Variants in SMURF1 observed in about 807,000 individuals in gnomAD.
SMURF1 encodes the protein E3 ubiquitin-protein ligase SMURF1.
In SMURF1, 44 loss-of-function variants were observed where a neutral mutation model predicts 98.0. The observed-to-expected ratio is 0.45, with a 90% CI of 0.35 to 0.58. The LOEUF (loss-of-function observed/expected upper bound fraction) is 0.58, where lower values mean the gene tolerates loss of function less well. SMURF1 is among the 20% of genes least tolerant of loss of function. SMURF1 has a pLI of 0.00. For synonymous variants in SMURF1, 396 were observed against 374.9 expected (o/e 1.06, Z -0.65); for missense variants, 687 against 938.4 (o/e 0.73, Z 3.50).
At chr7:99,071,531 C>A (rs953746933) in intron 1 of SMURF1, among the ~76,000 whole-genome samples, 1 of 152,132 alleles carries the variant, frequency 6.6e-6, no homozygotes, top group African/African-American at 2.4e-5. Context: ...TTTCCCAACA[C>A]CCTCACAGAA....
At chr7:99,051,170 C>T (rs1314791097) in intron 8 of SMURF1, among the ~76,000 whole-genome samples, 187 bp downstream of exon 8, 3 of 152,198 alleles carry the variant, frequency 2.0e-5, no homozygotes, top group African/African-American at 7.2e-5. Flanking sequence ...AACAATGACT[C>T]ACGTTTCAAA....
intron 1 of SMURF1, among the ~76,000 whole-genome samples, chr7:99,107,645 G>A (rs545020089): frequency 1.3e-5 from 2 of 152,284 alleles, no homozygotes; most frequent in East Asian, 1.9e-4. Context: ...CACTGCAAAC[G>A]ATCTTTCTGT....
intron 16 of SMURF1, among the ~76,000 whole-genome samples, chr7:99,035,041 T>C (rs1795081983): frequency 6.6e-6 from 1 of 152,176 alleles, no homozygotes. Flanking sequence ...TCGCACAGAA[T>C]TCCACCCCAC....
intron 1 of SMURF1, among the ~76,000 whole-genome samples, chr7:99,072,781 C>T (rs1273228841): frequency 6.6e-6 from 1 of 152,168 alleles, no homozygotes; most frequent in African/African-American, 2.4e-5. Context: ...TAATTTCTTT[C>T]CTATTTATCA....
intron 3 of SMURF1, 62 bp downstream of exon 3, chr7:99,060,537 G>A (rs150314797): frequency 1.3e-5 from 15 of 1,126,224 alleles, no homozygotes; most frequent in African/African-American, 9.8e-5. Context: ...GATGTTTCTC[G>A]TAAAAGGTAG....
At chr7:99,050,987 G>A (rs140025601) in intron 8 of SMURF1, 878 of 1,551,144 alleles carry the variant, frequency 5.7e-4, no homozygotes, top group Non-Finnish European at 7.0e-4. Context: ...AATGGTCCCC[G>A]AGGGACTGAG....
intron 1 of SMURF1, among the ~76,000 whole-genome samples, chr7:99,080,777 C>T (rs1047371534): frequency 1.3e-5 from 2 of 152,178 alleles, no homozygotes; most frequent in Admixed American, 6.5e-5. Flanking sequence ...AAATTACAGG[C>T]GATGGTAGAT....
At chr7:99,055,247 C>T (rs1205794134) in intron 5 of SMURF1, among the ~76,000 whole-genome samples, 3 of 151,998 alleles carry the variant, frequency 2.0e-5, no homozygotes, top group Admixed American at 6.6e-5. Flanking sequence ...AAGGGAGGAT[C>T]GCCTGAGCTC....
At chr7:99,060,545 T>C in intron 3 of SMURF1, 54 bp downstream of exon 3, 1 of 1,273,806 alleles carries the variant, frequency 7.9e-7, no homozygotes, top group Non-Finnish European at 1.1e-6. Flanking sequence ...TCGTAAAAGG[T>C]AGACACCTGC....
rs1320678191 is a variant in SMURF1 at position 99,038,544 on chromosome 7, AG to A, written c.1551-20del. The A allele has an allele frequency of 1.2e-6, 2 of 1,612,558 alleles. No homozygotes were observed. Among genetic ancestry groups the A allele is most frequent in the Non-Finnish European group, 1.7e-6 (2 of 1,179,284 alleles). On this transcript the variant is annotated intron_variant, in intron 13 of 17. Coordinates refer to ENST00000361368, the MANE Select transcript of SMURF1 (RefSeq NM_181349.3). ...GTTCTCTCTGTTGAAATAAGACAGA[AG>A]GATGTAGGTTAGAACTCTGCCACCA... is the stretch of plus-strand genomic sequence containing the variant.
At chr7:99,054,529 A>G (rs1795835339) in intron 6 of SMURF1, among the ~76,000 whole-genome samples, 1 of 151,752 alleles carries the variant, frequency 6.6e-6, no homozygotes, top group African/African-American at 2.4e-5. Flanking sequence ...GATGGTCTCA[A>G]TCTCCTGACC....
intron 1 of SMURF1, among the ~76,000 whole-genome samples, chr7:99,111,329 T>C (rs992568993): frequency 6.6e-6 from 1 of 152,174 alleles, no homozygotes; most frequent in African/African-American, 2.4e-5. Context: ...ATCAAGAAAT[T>C]TGATACTAAG....
chr7:99,052,079 G>A, intron 7 of SMURF1, 126 bp downstream of exon 7: 1 of 1,322,932 alleles, frequency 7.6e-7, no homozygotes, highest in East Asian at 2.5e-5. Flanking sequence ...AGGCTGCCGT[G>A]AGCCATGATC....
At chr7:99,086,111 C>A (rs185083622) in intron 1 of SMURF1, among the ~76,000 whole-genome samples, 2 of 152,106 alleles carry the variant, frequency 1.3e-5, no homozygotes, top group East Asian at 1.9e-4. Context: ...TTTGAGAGGC[C>A]GAGGTGGGTG....
intron 1 of SMURF1, among the ~76,000 whole-genome samples, chr7:99,068,422 C>A (rs537878534): frequency 6.6e-6 from 1 of 152,294 alleles, no homozygotes; most frequent in Non-Finnish European, 1.5e-5. Context: ...TCCTGAGTAG[C>A]TGGGACTATA....
rs576175801 is a variant in SMURF1, at chr7:99,065,662, A to G, written c.56-3825T>C. On this transcript the variant is annotated intron_variant, in intron 1 of 17. Coordinates refer to ENST00000361368, the MANE Select transcript of SMURF1 (RefSeq NM_181349.3). ...TCAACAGCTCTCATATAAAATTCCA[A>G]GTGTCCAAAACTGAAGTTCTTCCCA... is the stretch of plus-strand genomic sequence containing the variant. Among the ~76,000 whole-genome samples the G allele has an allele frequency of 2.6e-5, 4 of 152,286 alleles. No homozygotes were observed. The South Asian group carries it at 8.3e-4, about 32-fold the overall frequency.
In SMURF1 at chr7:99,097,606, A is replaced by G. The variant is rs142978147; in HGVS notation, c.56-35769T>C. On this transcript the variant is annotated intron_variant, in intron 1 of 17. Transcript: ENST00000361368. ...CCTTGCCAGATGCTAGCACCCTGAT[A>G]TTGGACTACCCAGCCTCGAGAACTG... Among the ~76,000 whole-genome samples the G allele has an allele frequency of 1.5e-3, 236 of 152,320 alleles. 1 individual carries two copies. Among genetic ancestry groups the G allele is most frequent in the African/African-American group, 5.4e-3 (225 of 41,564 alleles).
chr7:99,097,247 AC>A (rs1194295588), intron 1 of SMURF1, among the ~76,000 whole-genome samples: 1 of 152,234 alleles, frequency 6.6e-6, no homozygotes, highest in East Asian at 1.9e-4. Context: ...ATAAACTCTA[AC>A]TTGAGCTTCA....
intron 12 of SMURF1, among the ~76,000 whole-genome samples, chr7:99,041,572 C>T (rs954023724): frequency 1.3e-5 from 2 of 152,224 alleles, no homozygotes; most frequent in Non-Finnish European, 2.9e-5. Flanking sequence ...CGGAGCCTGT[C>T]CCGACTTCGC....
Sources: gnomAD v4.1 joint callset for allele counts (sites outside exome capture counted in the v4.1 genomes callset) on GRCh38, gnomAD v4.1.1 for gene constraint, MANE v1.5 for transcripts, NCBI Gene and HGNC (gene_info 2026-07-23, HGNC 2026-07-21) for gene names.